The following NFIA variants were observed in gnomAD, a reference collection of about 807,000 sequenced individuals.
NFIA encodes the protein nuclear factor 1 A-type.
NFIA carries 8 observed loss-of-function variants against 62.8 expected under a neutral mutation model. The ratio of observed to expected loss-of-function variants is 0.13; its 90% confidence interval spans 0.07 to 0.23. The LOEUF (loss-of-function observed/expected upper bound fraction) is 0.23. Among genes scored for constraint, NFIA ranks in the 10% least tolerant of loss-of-function variants. NFIA has a pLI of 1.00. For missense variants in NFIA, 410 were observed against 642.1 expected (o/e 0.64, Z 3.91); for synonymous variants, 235 against 238.1 (o/e 0.99, Z 0.12).
chr1:61,425,909 A>C (rs1416885289), intron 9 of NFIA, among the ~76,000 whole-genome samples: 1 of 152,240 alleles, frequency 6.6e-6, no homozygotes, highest in African/African-American at 2.4e-5. Flanking sequence ...TAGACACTAC[A>C]GGGCCTCTAA....
intron 3 of NFIA, among the ~76,000 whole-genome samples, chr1:61,311,812 G>A (rs1454927298): frequency 6.6e-6 from 1 of 152,174 alleles, no homozygotes; most frequent in South Asian, 2.1e-4. Context: ...TTAATGGGCT[G>A]TATAGTCTTA....
intron 3 of NFIA, among the ~76,000 whole-genome samples, chr1:61,317,890 C>T (rs2100361635): frequency 6.6e-6 from 1 of 152,158 alleles, no homozygotes; most frequent in East Asian, 1.9e-4. Flanking sequence ...TTCATTATTC[C>T]TAATGACAAA....
intron 2 of NFIA, among the ~76,000 whole-genome samples, chr1:61,228,666 A>C (rs943744870): frequency 5.3e-5 from 8 of 151,720 alleles, no homozygotes; most frequent in African/African-American, 1.9e-4. Flanking sequence ...GACCTGGTAG[A>C]AATACTGGGC....
At chr1:61,217,224 T>A (rs1356629945) in intron 2 of NFIA, among the ~76,000 whole-genome samples, 1 of 138,540 alleles carries the variant, frequency 7.2e-6, no homozygotes, top group Non-Finnish European at 1.6e-5. Flanking sequence ...ACCTTGCTAA[T>A]TTTTTTTTTT....
chr1:61,180,747 C>G (rs918438666), intron 2 of NFIA, among the ~76,000 whole-genome samples: 23 of 152,116 alleles, frequency 1.5e-4, no homozygotes, highest in African/African-American at 5.6e-4. Flanking sequence ...TGGTAAGACC[C>G]GCTAACATCT....
chr1:61,153,201 T>C (rs12033718), intron 2 of NFIA, among the ~76,000 whole-genome samples: 3,083 of 152,364 alleles, frequency 0.02, 66 homozygotes, highest in East Asian at 0.092. Flanking sequence ...GGAATGTCTT[T>C]AGATGGAATC....
intron 2 of NFIA, among the ~76,000 whole-genome samples, chr1:61,095,618 T>G (rs1421860306): frequency 6.6e-6 from 1 of 152,232 alleles, no homozygotes; most frequent in African/African-American, 2.4e-5. Context: ...AGCCACAGAA[T>G]GAGGCCACAC....
intron 2 of NFIA, among the ~76,000 whole-genome samples, chr1:61,240,660 T>C (rs1276933947): frequency 6.6e-6 from 1 of 152,122 alleles, no homozygotes; most frequent in Non-Finnish European, 1.5e-5. Flanking sequence ...ATTACTAGAT[T>C]GTAATTTTCT....
intron 2 of NFIA, among the ~76,000 whole-genome samples, chr1:61,156,952 AAAAAAATT>A (rs1648858875): frequency 6.6e-6 from 1 of 152,194 alleles, no homozygotes; most frequent in African/African-American, 2.4e-5. Flanking sequence ...ACACTGAGGC[AAAAAAATT>A]AAAGCTCTCC....
intron 2 of NFIA, among the ~76,000 whole-genome samples, chr1:61,225,968 A>G (rs983287521): frequency 6.6e-6 from 1 of 152,256 alleles, no homozygotes; most frequent in African/African-American, 2.4e-5. Context: ...TATCATAAGT[A>G]AAACAGGATT....
At chr1:61,172,209 G>C (rs1277372488) in intron 2 of NFIA, among the ~76,000 whole-genome samples, 3 of 152,178 alleles carry the variant, frequency 2.0e-5, no homozygotes, top group Non-Finnish European at 4.4e-5. Context: ...GGAACCTTTA[G>C]AAGTTATTTG....
chr1:61,451,926 C>T (rs1455673530), intron 10 of NFIA, among the ~76,000 whole-genome samples: 1 of 152,152 alleles, frequency 6.6e-6, no homozygotes, highest in Non-Finnish European at 1.5e-5. Context: ...TTACCATTTT[C>T]CCAGTGATTT....
intron 2 of NFIA, among the ~76,000 whole-genome samples, chr1:61,231,824 A>T (rs1654688088): frequency 6.6e-6 from 1 of 152,100 alleles, no homozygotes; most frequent in Non-Finnish European, 1.5e-5. Context: ...TGGGTAACAC[A>T]GAGAGACCAT....
At chr1:61,108,882 A>G (rs1291343679) in intron 2 of NFIA, among the ~76,000 whole-genome samples, 1 of 151,792 alleles carries the variant, frequency 6.6e-6, no homozygotes, top group Admixed American at 6.6e-5. Flanking sequence ...TCTGTTAATT[A>G]GTGGGTAAAT....
chr1:61,179,497 G>A (rs1650609552), intron 2 of NFIA, among the ~76,000 whole-genome samples: 1 of 152,170 alleles, frequency 6.6e-6, no homozygotes, highest in Non-Finnish European at 1.5e-5. Flanking sequence ...ATTCGTAAAA[G>A]CGTTTGTAAA....
chr1:61,305,843 A>ATTT (rs754217285), intron 3 of NFIA, among the ~76,000 whole-genome samples: 8 of 123,778 alleles, frequency 6.5e-5, no homozygotes, highest in East Asian at 2.3e-4. Context: ...TCTTCTTTTG[A>ATTT]TTTTTTTTTT....
intron 2 of NFIA, among the ~76,000 whole-genome samples, chr1:61,241,024 C>T (rs1330987527): frequency 1.4e-5 from 2 of 147,262 alleles, no homozygotes; most frequent in African/African-American, 5.0e-5. Context: ...TTTATAATTT[C>T]TTTACCTAAG....
intron 6 of NFIA, among the ~76,000 whole-genome samples, chr1:61,362,097 A>G (rs1166407828): frequency 6.6e-6 from 1 of 152,110 alleles, no homozygotes; most frequent in Non-Finnish European, 1.5e-5. Context: ...CACACCAGCC[A>G]TTTTAAATGG....
intron 2 of NFIA, among the ~76,000 whole-genome samples, chr1:61,215,802 T>C (rs11207714): frequency 0.11 from 16,585 of 152,268 alleles, 987 homozygotes; most frequent in South Asian, 0.11. Context: ...TCAGGACTCA[T>C]TTGCCCCTTT....
Sources: gnomAD v4.1 joint callset for allele counts (sites outside exome capture counted in the v4.1 genomes callset) on GRCh38, gnomAD v4.1.1 for gene constraint, MANE v1.5 for transcripts, NCBI Gene and HGNC (gene_info 2026-07-23, HGNC 2026-07-21) for gene names.